The following TBX4 variants were observed in gnomAD, a reference collection of about 807,000 sequenced individuals.
The protein encoded by TBX4 is T-box transcription factor 4, also known as T-box transcription factor TBX4.
Under a neutral mutation model 54.6 loss-of-function variants are expected in TBX4, and 13 were observed. The ratio of observed to expected loss-of-function variants is 0.24; its 90% CI spans 0.15 to 0.38. The LOEUF is 0.38. Ranked by LOEUF, TBX4 falls within the 10% of genes least tolerant of loss-of-function variation. TBX4 has a pLI of 1.00. For missense variants in TBX4, 631 were observed against 728.5 expected (o/e 0.87, Z 1.54); for synonymous variants, 314 against 306.7 (o/e 1.02, Z -0.25).
chr17:61,463,756 G>A (rs766702586), intron 3 of TBX4, among the ~76,000 whole-genome samples: 10 of 152,232 alleles, frequency 6.6e-5, no homozygotes, highest in Non-Finnish European at 1.0e-4. Flanking sequence ...GCAGGCCCCC[G>A]GTGCCAGGCC....
chr17:61,468,902 G>T (rs563699454), intron 5 of TBX4, among the ~76,000 whole-genome samples: 1 of 152,228 alleles, frequency 6.6e-6, no homozygotes, highest in African/African-American at 2.4e-5. Context: ...TTTGTTCCCA[G>T]TCAACTCCTA....
Position 61,456,459 on chromosome 17 carries a change from G to T in TBX4, c.-3-29G>T. On this transcript the variant is annotated intron_variant, in intron 1 of 8. Transcript: ENST00000644296. ...TCCTCTGGCGAGTGTGGACCTGGGCGAGTGACTCGTTGTGTGCTGTGCCCG... is the reference window on the plus strand; with the variant it reads ...TCCTCTGGCGAGTGTGGACCTGGGCTAGTGACTCGTTGTGTGCTGTGCCCG... 1.9e-6 allele frequency: 3 copies of T among 1,554,642 alleles called. No homozygotes were observed. In the South Asian group the frequency reaches 3.6e-5, roughly 18 times the overall value.
chr17:61,467,449 G>T, intron 4 of TBX4, 61 bp from the exon 5 acceptor site: 1 of 1,608,424 alleles, frequency 6.2e-7, no homozygotes, highest in Non-Finnish European at 8.5e-7. Context: ...AAGAGGGGAC[G>T]GGGAATCTGG....
chr17:61,461,849 C>T lies in TBX4; in HGVS notation c.282-3970C>T, dbSNP rs2060496183. On this transcript the variant is annotated intron_variant, in intron 3 of 8. Coordinates refer to ENST00000644296, the MANE Select transcript of TBX4 (RefSeq NM_001321120.2). This position sits in a 1 kb window ranked among gnomAD's most constrained non-coding sequence, Gnocchi z 5.1. ...TTAAGGGAGGGTCCGTGTAGCTGTT[C>T]CTGGAGTCCCCAGGGACCTCCGAGA... Among the ~76,000 whole-genome samples, 1 of 152,042 alleles carries T rather than the reference C, an allele frequency of 6.6e-6. No homozygotes were observed. The highest frequency in any genetic ancestry group is 1.5e-5 in the Non-Finnish European group (1 of 67,990).
Position 61,478,852 on chromosome 17 carries a change from G to C in TBX4, c.702+73G>C, listed in dbSNP as rs371220002. 2.5e-6 allele frequency: 4 copies of C among 1,609,912 alleles called. No individual in the cohort carries two copies. Among genetic ancestry groups the C allele is most frequent in the Non-Finnish European group, 3.4e-6 (4 of 1,176,410 alleles). ...GCGTTCTCTTCCACCAGGCAGAGAG[G>C]CAGAGTGTGAAGCCAGAGTCCCAGC... On this transcript the variant is annotated intron_variant, in intron 6 of 8. Transcript: ENST00000644296. The surrounding 1 kb of genome is among the most constrained non-coding windows in gnomAD (Gnocchi z 7.4).
chr17:61,471,987 C>A (rs995644790), intron 5 of TBX4, among the ~76,000 whole-genome samples: 4 of 151,012 alleles, frequency 2.6e-5, no homozygotes, highest in African/African-American at 9.8e-5. Flanking sequence ...AGGTGATCCA[C>A]CTGCCTCGGC....
intron 1 of TBX4, among the ~76,000 whole-genome samples, chr17:61,455,543 T>C (rs2060441340): frequency 6.6e-6 from 1 of 152,082 alleles, no homozygotes; most frequent in Non-Finnish European, 1.5e-5. Context: ...GGCACCTGAG[T>C]AGGCGAGGGA....
intron 1 of TBX4, among the ~76,000 whole-genome samples, chr17:61,453,166 A>G (rs980114914): frequency 1.3e-5 from 2 of 152,256 alleles, no homozygotes; most frequent in Non-Finnish European, 2.9e-5. Flanking sequence ...AAATAATACA[A>G]TCATAGTCAC....
In TBX4 at chr17:61,461,099, CTT is replaced by C. The variant is rs1382454387; in HGVS notation, c.281+3472_281+3473del. Among the ~76,000 whole-genome samples the C allele has an allele frequency of 2.0e-5, 3 of 152,128 alleles. No homozygotes were observed. Among genetic ancestry groups the C allele is most frequent in the Admixed American group, 2.0e-4 (3 of 15,280 alleles). On this transcript the variant is annotated intron_variant, in intron 3 of 8. Coordinates refer to ENST00000644296, the MANE Select transcript of TBX4 (RefSeq NM_001321120.2). The surrounding 1 kb of genome is among the most constrained non-coding windows in gnomAD (Gnocchi z 5.1). ...GGTTGGGGAGAGAGTGCTTTGATCT[CTT>C]TTTAAAGTATTTTCTGAAAGCAAAA...
chr17:61,465,680 T>A lies in TBX4; in HGVS notation c.282-139T>A. On this transcript the variant is annotated intron_variant, in intron 3 of 8. Transcript: ENST00000644296. This position sits in a 1 kb window ranked among gnomAD's most constrained non-coding sequence, Gnocchi z 4.9. ...CAGAGGGGGAAGTGAGTTGTGCAGG[T>A]CACACAGCTGTGACCAATGCCAGGA... 1 of 1,140,630 alleles carries A rather than the reference T, an allele frequency of 8.8e-7. No homozygotes were observed. Among genetic ancestry groups the A allele is most frequent in the Non-Finnish European group, 1.3e-6 (1 of 771,282 alleles). 70.7% of individuals were successfully genotyped at this position (1,140,630 alleles called of 1,614,324 possible).
chr17:61,453,562 T>G (rs2060427908), intron 1 of TBX4, among the ~76,000 whole-genome samples: 1 of 152,170 alleles, frequency 6.6e-6, no homozygotes, highest in South Asian at 2.1e-4. Context: ...CACAAGAACA[T>G]TATAAATAAT....
rs575686983 is a variant in TBX4 at position 61,476,992 on chromosome 17, T to C, written c.550-1635T>C. ...CATAAAAGAGCCTGACTCTGGCCTT[T>C]CTCTTGGCACTCTGGTCACTAACAG... is the stretch of plus-strand genomic sequence containing the variant. On this transcript the variant is annotated intron_variant, in intron 5 of 8. Coordinates refer to ENST00000644296, the MANE Select transcript of TBX4 (RefSeq NM_001321120.2). The surrounding 1 kb of genome is among the most constrained non-coding windows in gnomAD (Gnocchi z 6.5). 5.9e-5 allele frequency among the ~76,000 whole-genome samples: 9 copies of C among 152,358 alleles called. No homozygotes were observed. The highest frequency in any genetic ancestry group is 2.0e-4 in the Admixed American group (3 of 15,312).
intron 4 of TBX4, 112 bp downstream of exon 4, chr17:61,466,050 C>A: frequency 6.5e-7 from 1 of 1,533,664 alleles, no homozygotes; most frequent in Non-Finnish European, 9.0e-7. Flanking sequence ...CTGCCCAGGT[C>A]TGCAGGCTGG....
Position 61,479,877 on chromosome 17 carries a change from A to G in TBX4, c.703-4A>G. Reference sequence around the variant, plus strand: ...TGGTGACCCTATGTGTTTTCTCCCCACAGATCACCCAGCTGAAAATTGAGA... The same window carrying G: ...TGGTGACCCTATGTGTTTTCTCCCCGCAGATCACCCAGCTGAAAATTGAGA... On this transcript the variant is annotated splice_region_variant and splice_polypyrimidine_tract_variant and intron_variant, in intron 6 of 8. Coordinates refer to ENST00000644296, the MANE Select transcript of TBX4 (RefSeq NM_001321120.2). The surrounding 1 kb of genome is among the most constrained non-coding windows in gnomAD (Gnocchi z 6.1). The G allele has an allele frequency of 6.2e-7, 1 of 1,614,090 alleles. No individual in the cohort carries two copies. The highest frequency in any genetic ancestry group is 8.5e-7 in the Non-Finnish European group (1 of 1,179,984).
Position 61,479,783 on chromosome 17 carries a change from G to A in TBX4, c.703-98G>A. The A allele has an allele frequency of 2.4e-6, 3 of 1,257,782 alleles. No individual in the cohort carries two copies. Among genetic ancestry groups the A allele is most frequent in the Non-Finnish European group, 2.3e-6 (2 of 856,640 alleles). 77.9% of individuals were successfully genotyped at this position (1,257,782 alleles called of 1,614,324 possible). ...GTGAGGCTGGAGAGCGACCCCTGAG[G>A]GAGGGAGGTTACATGTTATGATCCC... On this transcript the variant is annotated intron_variant, in intron 6 of 8. Transcript: ENST00000644296. This position sits in a 1 kb window ranked among gnomAD's most constrained non-coding sequence, Gnocchi z 6.1.
At position 61,457,742 on chromosome 17, in the gene TBX4, C is replaced by T; in HGVS notation, c.281+111C>T. The T allele has an allele frequency of 9.7e-7, 1 of 1,033,342 alleles. No individual in the cohort carries two copies. The highest frequency in any genetic ancestry group is 1.5e-6 in the Non-Finnish European group (1 of 687,774). The allele number at this position is 1,033,342 out of a possible 1,614,324, so 64.0% of individuals were successfully genotyped here. On this transcript the variant is annotated intron_variant, in intron 3 of 8. Transcript: ENST00000644296. This position sits in a 1 kb window ranked among gnomAD's most constrained non-coding sequence, Gnocchi z 8.2. ...GCCTGGTGGCCTGTGGGAGGCCTCT[C>T]TGCCTCCTCGGGCGTCAGTGCCACC...
chr17:61,453,524 G>A (rs2060427715), intron 1 of TBX4, among the ~76,000 whole-genome samples: 1 of 152,070 alleles, frequency 6.6e-6, no homozygotes, highest in Admixed American at 6.6e-5. Context: ...GGAGTAATAT[G>A]ACAATTTATG....
intron 5 of TBX4, among the ~76,000 whole-genome samples, chr17:61,470,961 G>T (rs2143834269): frequency 6.6e-6 from 1 of 152,212 alleles, no homozygotes; most frequent in East Asian, 1.9e-4. Flanking sequence ...CCTGTATCCT[G>T]TAGCACGATG....
intron 5 of TBX4, among the ~76,000 whole-genome samples, chr17:61,470,106 G>A (rs2060566350): frequency 6.6e-6 from 1 of 152,124 alleles, no homozygotes; most frequent in Non-Finnish European, 1.5e-5. Context: ...CTCGCGAAAG[G>A]GCAAGTTGAG....
Sources: allele counts gnomAD v4.1 joint callset (sites outside exome capture counted in the v4.1 genomes callset), GRCh38; gene constraint gnomAD v4.1.1; non-coding constraint Gnocchi (gnomAD v3.1); transcripts MANE v1.5; gene names NCBI Gene and HGNC (gene_info 2026-07-23, HGNC 2026-07-21).